ADAMTSL1: variants seen among roughly 807,000 people sequenced by gnomAD.
ADAMTSL1 encodes ADAMTS-like protein 1.
In ADAMTSL1, 126 loss-of-function variants were observed where a neutral mutation model predicts 201.8. The ratio of observed to expected loss-of-function variants is 0.62; its 90% CI spans 0.54 to 0.72. ADAMTSL1 has a LOEUF of 0.72. Ranked by LOEUF, ADAMTSL1 falls within the 30% of genes least tolerant of loss-of-function variation. The pLI is 0.00. For missense variants in ADAMTSL1, 2,679 were observed against 2,277.8 expected, an observed-to-expected ratio of 1.18 and a Z score of -3.59; for synonymous variants, 1,121 against 903.4, an observed-to-expected ratio of 1.24 and a Z score of -4.32.
chr9:17,943,096 C>T (rs1237193837), intron 1 of ADAMTSL1, among the ~76,000 whole-genome samples: 1 of 151,910 alleles, frequency 6.6e-6, no homozygotes, highest in Non-Finnish European at 1.5e-5. Flanking sequence ...TAATTTCTTT[C>T]TTTTCTTTTC....
At chr9:18,703,715 T>G (rs1449224564) in intron 13 of ADAMTSL1, among the ~76,000 whole-genome samples, 1 of 131,004 alleles carries the variant, frequency 7.6e-6, no homozygotes. Flanking sequence ...TATATATATA[T>G]ATATATATAT....
intron 2 of ADAMTSL1, among the ~76,000 whole-genome samples, chr9:18,244,278 AATTG>A (rs1172942393): frequency 1.3e-5 from 2 of 152,118 alleles, no homozygotes; most frequent in African/African-American, 4.8e-5. Context: ...AGAGTTTTCT[AATTG>A]ATCTGCTCAC....
At chr9:18,853,918 T>TGTGTGTGC (rs139332733) in intron 23 of ADAMTSL1, among the ~76,000 whole-genome samples, 31,213 of 144,968 alleles carry the variant, frequency 0.22, 3,457 homozygotes, top group Middle Eastern at 0.28. Flanking sequence ...TGTGTGTGTG[T>TGTGTGTGC]GCGCGTGCAT....
At chr9:18,252,600 A>G (rs1831507451) in intron 2 of ADAMTSL1, among the ~76,000 whole-genome samples, 2 of 152,354 alleles carry the variant, frequency 1.3e-5, no homozygotes, top group South Asian at 4.1e-4. Flanking sequence ...AAAAAAGTCT[A>G]TACATGTTCA....
intron 4 of ADAMTSL1, among the ~76,000 whole-genome samples, chr9:18,617,269 G>A (rs1384037220): frequency 3.3e-5 from 5 of 152,146 alleles, no homozygotes; most frequent in Non-Finnish European, 7.3e-5. Context: ...CAAATTATTA[G>A]CATGGTGATC....
At chr9:18,036,639 G>C (rs2131621885) in intron 1 of ADAMTSL1, among the ~76,000 whole-genome samples, 1 of 152,286 alleles carries the variant, frequency 6.6e-6, no homozygotes. Flanking sequence ...AATCAGATCA[G>C]TGACACATAC....
At chr9:18,216,021 C>G (rs1232842183) in intron 2 of ADAMTSL1, among the ~76,000 whole-genome samples, 2 of 152,102 alleles carry the variant, frequency 1.3e-5, no homozygotes, top group African/African-American at 4.8e-5. Flanking sequence ...GTGATGAGTC[C>G]TCTTGTAAAA....
intron 1 of ADAMTSL1, among the ~76,000 whole-genome samples, chr9:18,046,264 G>A (rs1268074669): frequency 6.6e-6 from 1 of 152,182 alleles, no homozygotes; most frequent in Non-Finnish European, 1.5e-5. Context: ...AGTTGTTTCA[G>A]TCTTGCTACT....
chr9:18,166,200 G>A (rs951366734), intron 2 of ADAMTSL1, among the ~76,000 whole-genome samples: 4 of 151,912 alleles, frequency 2.6e-5, no homozygotes, highest in African/African-American at 4.8e-5. Context: ...TCTGCTCCTT[G>A]AAGACAGGAC....
intron 2 of ADAMTSL1, among the ~76,000 whole-genome samples, chr9:18,415,008 A>G (rs1400582454): frequency 6.6e-6 from 1 of 152,202 alleles, no homozygotes; most frequent in African/African-American, 2.4e-5. Context: ...CCCAATCTAA[A>G]TACAACTCTG....
intron 4 of ADAMTSL1, among the ~76,000 whole-genome samples, chr9:18,582,477 T>C (rs1344777396): frequency 1.3e-5 from 2 of 151,850 alleles, no homozygotes; most frequent in African/African-American, 2.4e-5. Context: ...TGGGAGGCGA[T>C]TGAATTATGA....
intron 1 of ADAMTSL1, among the ~76,000 whole-genome samples, chr9:17,981,728 G>A (rs1349617412): frequency 3.3e-5 from 5 of 152,144 alleles, no homozygotes; most frequent in Non-Finnish European, 7.3e-5. Context: ...AAGGTTCACT[G>A]TATGATCACA....
At position 18,520,992 on chromosome 9, in the gene ADAMTSL1, C is replaced by T. The variant is rs145925480; in HGVS notation, c.192-12255C>T. On this transcript the variant is annotated intron_variant, in intron 2 of 28. Coordinates refer to ENST00000380548, the MANE Select transcript of ADAMTSL1 (RefSeq NM_001040272.6). ...TTTGAAAGTCCCAAAGCACCAAGAA[C>T]CTCTGTTTCCGCCTTTCCACTGGTG... 3.6e-3 allele frequency among the ~76,000 whole-genome samples: 550 copies of T among 152,116 alleles called. 3 individuals carry two copies. The highest frequency in any genetic ancestry group is 0.01 in the African/African-American group (424 of 41,496).
At chr9:18,423,473 T>G (rs187407815) in intron 2 of ADAMTSL1, among the ~76,000 whole-genome samples, 1 of 152,314 alleles carries the variant, frequency 6.6e-6, no homozygotes, top group East Asian at 1.9e-4. Context: ...GTCTCTTTCT[T>G]TGGTATTTTT....
At chr9:18,845,801 A>C (rs1283300849) in intron 23 of ADAMTSL1, among the ~76,000 whole-genome samples, 5 of 152,192 alleles carry the variant, frequency 3.3e-5, no homozygotes. Flanking sequence ...GGACAATATA[A>C]TATAATATCA....
intron 1 of ADAMTSL1, among the ~76,000 whole-genome samples, chr9:18,098,010 T>G (rs1824329817): frequency 6.6e-6 from 1 of 152,118 alleles, no homozygotes; most frequent in Admixed American, 6.5e-5. Flanking sequence ...TTGTATACAA[T>G]GTAAATTGGA....
chr9:18,432,979 C>T (rs1039513020), intron 2 of ADAMTSL1, among the ~76,000 whole-genome samples: 1 of 152,090 alleles, frequency 6.6e-6, no homozygotes, highest in Non-Finnish European at 1.5e-5. Flanking sequence ...TCAAAATATG[C>T]AACACTGTCT....
At chr9:18,388,719 T>C (rs1338567873) in intron 2 of ADAMTSL1, among the ~76,000 whole-genome samples, 1 of 149,864 alleles carries the variant, frequency 6.7e-6, no homozygotes, top group Non-Finnish European at 1.5e-5. Flanking sequence ...TCTATTTCGA[T>C]TTTTTGTTGT....
chr9:18,530,833 A>G (rs1173024963), intron 2 of ADAMTSL1, among the ~76,000 whole-genome samples: 1 of 152,210 alleles, frequency 6.6e-6, no homozygotes, highest in East Asian at 1.9e-4. Context: ...TAGAGCCAAG[A>G]TTCTAGAAAG....
Sources: gnomAD v4.1 joint callset for allele counts (sites outside exome capture counted in the v4.1 genomes callset) on GRCh38, gnomAD v4.1.1 for gene constraint, MANE v1.5 for transcripts, NCBI Gene and HGNC (gene_info 2026-07-23, HGNC 2026-07-21) for gene names.